AGBL3: variants seen among roughly 807,000 people sequenced by gnomAD.
AGBL3 encodes AGBL carboxypeptidase 3.
A neutral mutation model predicts 94.5 loss-of-function variants in AGBL3; 68 were observed. The ratio of observed to expected loss-of-function variants is 0.72; its 90% CI spans 0.59 to 0.88. The LOEUF (loss-of-function observed/expected upper bound fraction) is 0.88. Ranked by LOEUF, AGBL3 falls within the 40% of genes least tolerant of loss-of-function variation. AGBL3 has a pLI of 0.00. For missense variants in AGBL3, 934 were observed against 1,103.8 expected (o/e 0.85, Z 2.18); for synonymous variants, 354 against 370.7 (o/e 0.95, Z 0.52).
chr7:135,117,926 G>C (rs1826560509), intron 16 of AGBL3, among the ~76,000 whole-genome samples: 1 of 152,208 alleles, frequency 6.6e-6, no homozygotes, highest in Non-Finnish European at 1.5e-5. Flanking sequence ...ATTGGAATGA[G>C]AGATAGTGGA....
At chr7:134,995,409 C>A (rs1407367171) in intron 4 of AGBL3, 3 of 152,276 alleles carry the variant, frequency 2.0e-5, no homozygotes, top group Admixed American at 1.3e-4. Context: ...CTAGCCCTCA[C>A]TTTCAGCCGT....
chr7:135,046,732 A>T (rs1393002360), intron 11 of AGBL3, among the ~76,000 whole-genome samples: 1 of 152,100 alleles, frequency 6.6e-6, no homozygotes, highest in Non-Finnish European at 1.5e-5. Context: ...ACTGAAGGAC[A>T]TCTTGGTTGC....
intron 1 of AGBL3, among the ~76,000 whole-genome samples, chr7:134,987,607 T>TA (rs1809633714): frequency 6.6e-6 from 1 of 152,206 alleles, no homozygotes; most frequent in Non-Finnish European, 1.5e-5. Context: ...ATTGTAAATA[T>TA]AAAATGTGAA....
At chr7:135,041,380 T>G (rs1816841783) in intron 8 of AGBL3, among the ~76,000 whole-genome samples, 1 of 152,128 alleles carries the variant, frequency 6.6e-6, no homozygotes, top group African/African-American at 2.4e-5. Flanking sequence ...ACTACAGTAA[T>G]AAAGATAGTA....
intron 15 of AGBL3, among the ~76,000 whole-genome samples, chr7:135,111,037 CCT>C (rs1243697263): frequency 2.0e-5 from 3 of 152,020 alleles, no homozygotes; most frequent in Non-Finnish European, 4.4e-5. Context: ...TAAACTTTTT[CCT>C]CTCTCTCTCC....
At chr7:135,019,362 C>G (rs1221393050) in intron 5 of AGBL3, among the ~76,000 whole-genome samples, 1 of 152,082 alleles carries the variant, frequency 6.6e-6, no homozygotes, top group Admixed American at 6.6e-5. Flanking sequence ...AAGTCAATTA[C>G]CAATTGTTTT....
At chr7:135,033,508 G>A (rs930006281) in intron 6 of AGBL3, among the ~76,000 whole-genome samples, 1 of 152,124 alleles carries the variant, frequency 6.6e-6, no homozygotes, top group South Asian at 2.1e-4. Context: ...AGTGCTTATA[G>A]AATAGAAAGT....
intron 15 of AGBL3, among the ~76,000 whole-genome samples, chr7:135,084,207 TTTATTA>T (rs1393007735): frequency 6.6e-6 from 1 of 152,280 alleles, no homozygotes; most frequent in South Asian, 2.1e-4. Flanking sequence ...ATTTTTTCCT[TTTATTA>T]TTATTTTTAG....
At chr7:135,099,554 G>A (rs1320727918) in intron 15 of AGBL3, among the ~76,000 whole-genome samples, 3 of 151,888 alleles carry the variant, frequency 2.0e-5, no homozygotes, top group Non-Finnish European at 4.4e-5. Flanking sequence ...CCCCTTCTTG[G>A]CTTCTAAAAA....
chr7:135,014,406 C>G (rs1038215863), intron 4 of AGBL3, among the ~76,000 whole-genome samples: 2 of 152,006 alleles, frequency 1.3e-5, no homozygotes, highest in Non-Finnish European at 2.9e-5. Context: ...TCTATGGCTC[C>G]TGGATATCCC....
chr7:135,061,061 C>CTT (rs138992892), intron 12 of AGBL3, among the ~76,000 whole-genome samples: 36,025 of 148,110 alleles, frequency 0.24, 5,132 homozygotes, highest in South Asian at 0.4. Context: ...CACTAATTAT[C>CTT]TTTTTTTTTT....
At chr7:135,044,275 C>T in intron 9 of AGBL3, 124 bp downstream of exon 9, 2 of 939,504 alleles carry the variant, frequency 2.1e-6, no homozygotes, top group Non-Finnish European at 2.8e-6. Flanking sequence ...AATATTTAAT[C>T]AATTCTATAA....
intron 15 of AGBL3, among the ~76,000 whole-genome samples, chr7:135,085,977 A>G (rs983322706): frequency 1.3e-5 from 2 of 152,070 alleles, no homozygotes; most frequent in East Asian, 1.9e-4. Context: ...ATCCATGAAC[A>G]TGAGATGTCT....
At chr7:135,053,610 A>AAAAACAAAAC (rs201764002) in intron 11 of AGBL3, among the ~76,000 whole-genome samples, 3 of 151,912 alleles carry the variant, frequency 2.0e-5, no homozygotes, top group Admixed American at 6.6e-5. Flanking sequence ...TCCGTCTCAA[A>AAAAACAAAAC]AAAACAAAAC....
chr7:135,094,495 A>G (rs1034896406), intron 15 of AGBL3: 6 of 456,572 alleles, frequency 1.3e-5, no homozygotes, highest in African/African-American at 4.0e-5. Context: ...TGGTGGCCAT[A>G]GTCTTGTCTG....
Position 135,135,124 on chromosome 7 carries a change from AAG to A in AGBL3, c.2629_2630del (p.Leu878SerfsTer3), listed in dbSNP as rs1313040375. On this transcript the variant is annotated frameshift_variant, in exon 17 of 17. Transcript: ENST00000436302. LOFTEE classifies it low-confidence loss of function (END_TRUNC). ...FGMDANVLKYKSLQAEETNQQ... is the reference protein window; with the variant it reads ...FGMDANVLKYXSLQAEETNQQ... ...AATGGATGCAAATGTTCTAAAATAT[AAG>A]AGTCTTCAAGCTGAAGAAACTAACC... The A allele has an allele frequency of 6.4e-7, 1 of 1,551,160 alleles. No individual in the cohort carries two copies. Among genetic ancestry groups the A allele is most frequent in the African/African-American group, 1.4e-5 (1 of 73,108 alleles).
intron 16 of AGBL3, among the ~76,000 whole-genome samples, chr7:135,118,121 C>A (rs565726266): frequency 6.6e-6 from 1 of 152,212 alleles, no homozygotes; most frequent in Non-Finnish European, 1.5e-5. Flanking sequence ...CCATGAGTAG[C>A]TTTGTACTTT....
At chr7:135,088,244 G>A (rs185042121) in intron 15 of AGBL3, among the ~76,000 whole-genome samples, 97 of 152,132 alleles carry the variant, frequency 6.4e-4, no homozygotes, top group African/African-American at 2.2e-3. Context: ...CATATAGTTG[G>A]TTTTTAAAAT....
chr7:135,109,905 G>T (rs1318705601), intron 15 of AGBL3, among the ~76,000 whole-genome samples: 2 of 152,238 alleles, frequency 1.3e-5, no homozygotes, highest in Non-Finnish European at 2.9e-5. Flanking sequence ...ATACCAGGGA[G>T]GCTCTGAACC....
Sources: allele counts gnomAD v4.1 joint callset (sites outside exome capture counted in the v4.1 genomes callset), GRCh38; gene constraint gnomAD v4.1.1; transcripts MANE v1.5; gene names NCBI Gene and HGNC (gene_info 2026-07-23, HGNC 2026-07-21).